Variants in NRXN3 observed in about 807,000 individuals in gnomAD.
NRXN3 encodes neurexin III.
NRXN3 carries 32 observed loss-of-function variants against 137.6 expected under a neutral mutation model. The ratio of observed to expected loss-of-function variants is 0.23; its 90% CI spans 0.18 to 0.31. The LOEUF is 0.31. Among genes scored for constraint, NRXN3 ranks in the 10% least tolerant of loss-of-function variants. The pLI, the probability that NRXN3 is intolerant of heterozygous loss-of-function variation, is 1.00. For synonymous variants in NRXN3, 798 were observed against 784.5 expected (o/e 1.02, Z -0.29); for missense variants, 1,574 against 2,062.5 (o/e 0.76, Z 4.59).
chr14:78,333,584 T>C (rs781044642), intron 4 of NRXN3, among the ~76,000 whole-genome samples: 1 of 152,046 alleles, frequency 6.6e-6, no homozygotes, highest in East Asian at 1.9e-4. Context: ...GGATTTGGAA[T>C]GTGGGTGAGA....
At chr14:79,705,379 T>C (rs1396042591) in intron 19 of NRXN3, among the ~76,000 whole-genome samples, 1 of 152,178 alleles carries the variant, frequency 6.6e-6, no homozygotes, top group Non-Finnish European at 1.5e-5. Context: ...CAGGTCTTCT[T>C]GATCCTTCTT....
At chr14:79,746,820 C>G (rs1425385297) in intron 19 of NRXN3, among the ~76,000 whole-genome samples, 1 of 151,626 alleles carries the variant, frequency 6.6e-6, no homozygotes, top group Admixed American at 6.6e-5. Context: ...CTTAAAGAAC[C>G]CCTAAAACTA....
intron 17 of NRXN3, among the ~76,000 whole-genome samples, chr14:79,686,768 C>A (rs2098696954): frequency 6.6e-6 from 1 of 152,120 alleles, no homozygotes. Context: ...TCAACTAGCA[C>A]AGCCTAGAGT....
intron 15 of NRXN3, among the ~76,000 whole-genome samples, chr14:79,371,020 A>G (rs1368244404): frequency 6.6e-6 from 1 of 152,204 alleles, no homozygotes; most frequent in Non-Finnish European, 1.5e-5. Context: ...TGTATCAGCT[A>G]ATGAGACTTA....
intron 6 of NRXN3, among the ~76,000 whole-genome samples, chr14:78,669,137 G>T (rs1332827311): frequency 6.6e-6 from 1 of 152,164 alleles, no homozygotes. Flanking sequence ...AATTTTAAGA[G>T]TGAGGAGTTA....
At chr14:78,936,740 G>A (rs1046574398) in intron 10 of NRXN3, among the ~76,000 whole-genome samples, 2 of 152,150 alleles carry the variant, frequency 1.3e-5, no homozygotes, top group Non-Finnish European at 2.9e-5. Flanking sequence ...TGTCCCCATA[G>A]CCTCAGCCAC....
chr14:79,456,186 A>G (rs961265306), intron 15 of NRXN3, among the ~76,000 whole-genome samples: 1 of 152,236 alleles, frequency 6.6e-6, no homozygotes, highest in African/African-American at 2.4e-5. Context: ...TCAGTTTAAC[A>G]AATGTTCCAA....
chr14:78,236,812 A>C (rs2063982), intron 1 of NRXN3, among the ~76,000 whole-genome samples: 44,889 of 146,108 alleles, frequency 0.31, 7,196 homozygotes, highest in African/African-American at 0.43. Context: ...GTCTGGGTTT[A>C]AATTCAGCTG....
chr14:78,894,802 A>G (rs1007075031), intron 10 of NRXN3, among the ~76,000 whole-genome samples: 2 of 151,770 alleles, frequency 1.3e-5, no homozygotes, highest in South Asian at 2.1e-4. Flanking sequence ...GTTAGCAGAC[A>G]TGAAAGCCAC....
chr14:79,408,797 T>C (rs769397422), intron 15 of NRXN3, among the ~76,000 whole-genome samples: 2 of 152,170 alleles, frequency 1.3e-5, no homozygotes, highest in African/African-American at 2.4e-5. Context: ...TACTCCTTTG[T>C]TCCGTCTTTT....
chr14:78,480,590 T>C (rs75448891), intron 4 of NRXN3, among the ~76,000 whole-genome samples: 3,272 of 152,308 alleles, frequency 0.021, 99 homozygotes, highest in African/African-American at 0.075. Flanking sequence ...AACAATTTGC[T>C]ATATATTTAC....
In NRXN3 at chr14:78,968,301, A is replaced by C; in HGVS notation, c.3097A>C (p.Asn1033His). 6.2e-7 allele frequency: 1 copy of C among 1,614,022 alleles called. No individual in the cohort carries two copies. The highest frequency in any genetic ancestry group is 8.5e-7 in the Non-Finnish European group (1 of 1,179,964). The part of the protein sequence containing the change: ...DLNGRLPDLI[N>H]DALHRSGQIE... ...GAATGGACGCCTGCCAGACCTCATC[A>C]ATGATGCTCTTCATCGGAGCGGACA... The change falls in exon 14 of 21, where the codon AAT (asparagine) becomes CAT (histidine). Residue 1033 changes from asparagine (N) to histidine (H), a missense_variant. Asn to His is a moderately conservative substitution (Grantham distance 68, BLOSUM62 1). Around this residue, in one of 5 missense-constraint regions of NRXN3, gnomAD observed 718 missense variants for 887.6 expected, o/e 0.81. Coordinates refer to ENST00000335750, the MANE Select transcript of NRXN3 (RefSeq NM_001330195.2).
chr14:78,314,962 CCT>C (rs1477511583), intron 4 of NRXN3, among the ~76,000 whole-genome samples: 10 of 79,944 alleles, frequency 1.3e-4, no homozygotes, highest in African/African-American at 5.7e-4. Context: ...TTCCTTCCTT[CCT>C]TCCTTCCTTC....
chr14:78,526,714 T>A (rs2096385313), intron 4 of NRXN3: 11 of 515,044 alleles, frequency 2.1e-5, no homozygotes, highest in South Asian at 1.4e-4. Flanking sequence ...CATTATTATC[T>A]TTGTACAATA....
intron 16 of NRXN3, among the ~76,000 whole-genome samples, chr14:79,549,726 T>C (rs1428227648): frequency 2.0e-5 from 3 of 152,092 alleles, no homozygotes; most frequent in Non-Finnish European, 4.4e-5. Flanking sequence ...TACTGTTGCC[T>C]TCAAAAATGC....
intron 14 of NRXN3, among the ~76,000 whole-genome samples, chr14:78,983,337 C>G (rs1260996802): frequency 6.6e-6 from 1 of 152,198 alleles, no homozygotes; most frequent in Admixed American, 6.5e-5. Flanking sequence ...AAAGAGATAT[C>G]TGCATTCCCA....
chr14:78,182,334 C>T (rs955290787), intron 1 of NRXN3, among the ~76,000 whole-genome samples: 2 of 150,716 alleles, frequency 1.3e-5, no homozygotes, highest in African/African-American at 2.4e-5. Flanking sequence ...CTACACTTAA[C>T]ATCCCACCGA....
At chr14:79,158,018 C>A (rs1273316428) in intron 15 of NRXN3, among the ~76,000 whole-genome samples, 1 of 151,682 alleles carries the variant, frequency 6.6e-6, no homozygotes, top group Non-Finnish European at 1.5e-5. Flanking sequence ...TTCTTAGAAT[C>A]ATGTCCTCAT....
intron 2 of NRXN3, chr14:78,250,130 G>C (rs778230331): frequency 5.8e-6 from 3 of 514,444 alleles, no homozygotes; most frequent in African/African-American, 5.8e-5. Flanking sequence ...TAAATAACTT[G>C]CCCAAGATTG....
Sources: gnomAD v4.1 joint callset for allele counts (sites outside exome capture counted in the v4.1 genomes callset) on GRCh38, gnomAD v4.1.1 for gene constraint, gnomAD v4.1.1 regional missense constraint, MANE v1.5 for transcripts, NCBI Gene and HGNC (gene_info 2026-07-23, HGNC 2026-07-21) for gene names.